Variants in DEK observed in about 807,000 individuals in gnomAD.
DEK encodes protein DEK.
Under a neutral mutation model 46.8 loss-of-function variants are expected in DEK, and 28 were observed. That is an observed-to-expected ratio of 0.60 (90% CI 0.44 to 0.82). The LOEUF is 0.82. Among genes scored for constraint, DEK ranks in the 40% least tolerant of loss-of-function variants. DEK has a pLI of 0.00. For synonymous variants in DEK, 160 were observed against 144.5 expected (o/e 1.11, Z -0.77); for missense variants, 416 against 430.6 (o/e 0.97, Z 0.30).
At chr6:18,234,730 T>G (rs972669398) in intron 9 of DEK, among the ~76,000 whole-genome samples, 2 of 152,102 alleles carry the variant, frequency 1.3e-5, no homozygotes, top group Non-Finnish European at 2.9e-5. Context: ...CCTTCACCTC[T>G]CCTGTAACTT....
At chr6:18,239,139 G>C (rs1466267067) in intron 7 of DEK, among the ~76,000 whole-genome samples, 1 of 152,042 alleles carries the variant, frequency 6.6e-6, no homozygotes, top group Non-Finnish European at 1.5e-5. Context: ...GGCCAGGCTG[G>C]TCAGGAACTC....
At chr6:18,234,441 A>T (rs1790563199) in intron 9 of DEK, among the ~76,000 whole-genome samples, 1 of 152,204 alleles carries the variant, frequency 6.6e-6, no homozygotes, top group African/African-American at 2.4e-5. Flanking sequence ...GGTTAAGCCC[A>T]GACTACAGAT....
chr6:18,244,602 T>C, intron 7 of DEK: 2 of 1,284,718 alleles, frequency 1.6e-6, no homozygotes, highest in African/African-American at 1.5e-5. Context: ...AGAAAGGTTG[T>C]ACTGGGTGAA....
chr6:18,262,388 T>C (rs1056475556), intron 2 of DEK, among the ~76,000 whole-genome samples: 2 of 150,874 alleles, frequency 1.3e-5, no homozygotes, highest in African/African-American at 4.9e-5. Flanking sequence ...TTAAGTAAAA[T>C]AAAAACTTTC....
At chr6:18,240,317 T>C (rs1402822957) in intron 7 of DEK, among the ~76,000 whole-genome samples, 2 of 152,244 alleles carry the variant, frequency 1.3e-5, no homozygotes, top group Non-Finnish European at 2.9e-5. Flanking sequence ...AGGCCTGTCA[T>C]CTATTAAAAT....
chr6:18,259,431 A>AT (rs1791754208), intron 2 of DEK, among the ~76,000 whole-genome samples: 1 of 130,978 alleles, frequency 7.6e-6, no homozygotes, highest in Non-Finnish European at 1.7e-5. Context: ...AAAAAAAAAA[A>AT]AATCTAGAAA....
At chr6:18,236,866 A>G (rs1790673119) in intron 8 of DEK, among the ~76,000 whole-genome samples, 1 of 152,182 alleles carries the variant, frequency 6.6e-6, no homozygotes, top group South Asian at 2.1e-4. Flanking sequence ...CCAGCTTTTC[A>G]GAGCACCAAC....
At chr6:18,257,829 T>C (rs1791667703) in intron 4 of DEK, 124 bp downstream of exon 4, 2 of 567,554 alleles carry the variant, frequency 3.5e-6, no homozygotes, top group East Asian at 6.0e-5. Flanking sequence ...ATTTAATAAG[T>C]ATATACCTCA....
In DEK at chr6:18,236,466, G is replaced by C. The variant is rs747706115; in HGVS notation, c.1033C>G (p.Gln345Glu). The stretch of plus-strand genomic sequence containing the variant: ...TGTCTAATTACCTTTTTGCAAATCT[G>C]TTTCATTGTGACTTCTTCCAAGTTA... ...SANLEEVTMK[Q>E]ICKKVYENYP... The change falls in exon 9 of 11, where the codon CAG (glutamine) becomes GAG (glutamate). Residue 345 changes from glutamine (Q) to glutamate (E), a missense_variant. Transcript: ENST00000652689. The C allele has an allele frequency of 6.6e-5, 107 of 1,609,662 alleles. No individual in the cohort carries two copies. Among genetic ancestry groups the C allele is most frequent in the Non-Finnish European group, 8.9e-5 (105 of 1,178,514 alleles).
At chr6:18,230,421 GAC>G (rs1215111696) in intron 9 of DEK, among the ~76,000 whole-genome samples, 4 of 152,116 alleles carry the variant, frequency 2.6e-5, no homozygotes, top group African/African-American at 9.7e-5. Flanking sequence ...CCAATTAAAA[GAC>G]ACAGACTGAC....
intron 7 of DEK, among the ~76,000 whole-genome samples, chr6:18,247,651 T>A (rs1386178896): frequency 6.6e-6 from 1 of 152,178 alleles, no homozygotes; most frequent in Non-Finnish European, 1.5e-5. Flanking sequence ...AGAAAGCGAA[T>A]TTTAAAAGTG....
At position 18,225,738 on chromosome 6, in the gene DEK, G is replaced by A; in HGVS notation, c.1117-8C>T. ...TCTATCTCAAGAAATTAGCTGTAAT[G>A]AAAGAGAAACATTATTTTGCCATAA... On this transcript the variant is annotated splice_polypyrimidine_tract_variant and splice_region_variant and intron_variant, in intron 10 of 10. Transcript: ENST00000652689. 2 of 1,613,116 alleles carry A rather than the reference G, an allele frequency of 1.2e-6. No homozygotes were observed. Among genetic ancestry groups the A allele is most frequent in the Non-Finnish European group, 1.7e-6 (2 of 1,179,492 alleles).
At chr6:18,255,692 A>G (rs1218616277) in intron 6 of DEK, 39 bp downstream of exon 6, 1 of 1,576,714 alleles carries the variant, frequency 6.3e-7, no homozygotes, top group Non-Finnish European at 8.6e-7. Context: ...AGAGGCTATG[A>G]ATAACTGATT....
chr6:18,242,170 G>A (rs1166211568), intron 7 of DEK, among the ~76,000 whole-genome samples: 3 of 152,116 alleles, frequency 2.0e-5, no homozygotes, highest in African/African-American at 4.8e-5. Flanking sequence ...CCAGGAGTTC[G>A]AGACCAGCCT....
intron 7 of DEK, among the ~76,000 whole-genome samples, chr6:18,242,945 T>C (rs920154929): frequency 7.2e-5 from 11 of 152,282 alleles, no homozygotes; most frequent in Admixed American, 3.9e-4. Flanking sequence ...ATGGCCACAG[T>C]GCAGGATAAG....
Position 18,231,467 on chromosome 6 carries a change from C to T in DEK, c.1047+4985G>A, listed in dbSNP as rs568111549. On this transcript the variant is annotated intron_variant, in intron 9 of 10. Transcript: ENST00000652689. ...GAAAAGATCAATAAAATTGATAGAC[C>T]GCTAGCAAGACTAATAAGAAAAGAG... Among the ~76,000 whole-genome samples, 112 of 152,044 alleles carry T rather than the reference C, an allele frequency of 7.4e-4. 1 individual carries two copies. The highest frequency in any genetic ancestry group is 6.0e-3 in the South Asian group (29 of 4,822).
At chr6:18,228,733 GC>G (rs1790252376) in intron 9 of DEK, among the ~76,000 whole-genome samples, 1 of 152,188 alleles carries the variant, frequency 6.6e-6, no homozygotes, top group Non-Finnish European at 1.5e-5. Context: ...TATATCCCGC[GC>G]CTGGCTCGGA....
chr6:18,256,465 T>C lies in DEK; in HGVS notation c.358-10A>G, dbSNP rs374753002. ...TCTTTAATGAGGACACCTGAAAATG[T>C]TCCTTATTATTAATGGTATTTATTA... On this transcript the variant is annotated splice_polypyrimidine_tract_variant and intron_variant, in intron 4 of 10. Transcript: ENST00000652689. 4 of 1,602,782 alleles carry C rather than the reference T, an allele frequency of 2.5e-6. No homozygotes were observed. Among genetic ancestry groups the C allele is most frequent in the East Asian group, 2.2e-5 (1 of 44,704 alleles).
chr6:18,259,783 C>T (rs574206005), intron 2 of DEK, among the ~76,000 whole-genome samples: 108 of 152,226 alleles, frequency 7.1e-4, no homozygotes, highest in African/African-American at 2.2e-3. Context: ...GAACAAAGCA[C>T]GTGTGCTGGC....
Sources: gnomAD v4.1 joint callset for allele counts (sites outside exome capture counted in the v4.1 genomes callset) on GRCh38, gnomAD v4.1.1 for gene constraint, MANE v1.5 for transcripts, NCBI Gene and HGNC (gene_info 2026-07-23, HGNC 2026-07-21) for gene names.